Variants in OPCML observed in about 807,000 individuals in gnomAD.
The protein encoded by OPCML is opioid binding protein/cell adhesion molecule like.
In OPCML, 13 loss-of-function variants were observed where a neutral mutation model predicts 37.8. The ratio of observed to expected loss-of-function variants is 0.34; its 90% CI spans 0.22 to 0.55. OPCML has a LOEUF of 0.55. Among genes scored for constraint, OPCML ranks in the 20% least tolerant of loss-of-function variants. The probability of loss-of-function intolerance (pLI) is 0.91; values close to 1 mark genes in which losing one functional copy is unlikely to be tolerated. For missense variants in OPCML, 341 were observed against 435.6 expected (o/e 0.78, Z 1.93); for synonymous variants, 176 against 168.8 (o/e 1.04, Z -0.33).
At chr11:133,191,034 C>T (rs191873335) in intron 1 of OPCML, among the ~76,000 whole-genome samples, 314 of 151,948 alleles carry the variant, frequency 2.1e-3, no homozygotes, top group African/African-American at 7.3e-3. Context: ...ATTAGGGTAA[C>T]CACACCCAAA....
At chr11:133,220,126 T>C (rs996658464) in intron 1 of OPCML, among the ~76,000 whole-genome samples, 2 of 152,084 alleles carry the variant, frequency 1.3e-5, no homozygotes, top group African/African-American at 4.8e-5. Context: ...AGCTGGGAAG[T>C]TGGACACTGG....
chr11:133,458,574 C>CTGT (rs1555161986), intron 1 of OPCML, among the ~76,000 whole-genome samples: 7 of 85,822 alleles, frequency 8.2e-5, no homozygotes, highest in East Asian at 6.3e-4. Context: ...CATATATACA[C>CTGT]GTGTGTGTAC....
chr11:132,521,826 G>A lies in OPCML; in HGVS notation c.505+7235C>T, dbSNP rs775676099. ...AAGTTATGAATAATTGCACTGTGGAGTTTACTTGGATTTCACTAGTTTTTG... is the reference window on the plus strand; with the variant it reads ...AAGTTATGAATAATTGCACTGTGGAATTTACTTGGATTTCACTAGTTTTTG... On this transcript the variant is annotated intron_variant, in intron 4 of 7. Transcript: ENST00000524381. Among the ~76,000 whole-genome samples, 13 of 152,198 alleles carry A rather than the reference G, an allele frequency of 8.5e-5. 2 individuals carry two copies. Among genetic ancestry groups the A allele is most frequent in the Admixed American group, 8.5e-4 (13 of 15,280 alleles).
intron 1 of OPCML, among the ~76,000 whole-genome samples, chr11:133,500,432 T>C (rs1947886352): frequency 1.3e-5 from 2 of 152,062 alleles, no homozygotes; most frequent in African/African-American, 4.8e-5. Flanking sequence ...AAACAGAGGG[T>C]GTTTTGCATA....
At chr11:132,948,230 A>G (rs1945788012) in intron 1 of OPCML, among the ~76,000 whole-genome samples, 1 of 152,214 alleles carries the variant, frequency 6.6e-6, no homozygotes, top group Admixed American at 6.5e-5. Context: ...GAGGAGGGGC[A>G]CACCGTGCCA....
chr11:133,303,257 T>C (rs1480767383), intron 1 of OPCML, among the ~76,000 whole-genome samples: 1 of 151,990 alleles, frequency 6.6e-6, no homozygotes, highest in Non-Finnish European at 1.5e-5. Context: ...GACACAGAAA[T>C]GGAGGTTGGC....
chr11:133,527,855 T>C (rs760669190), intron 1 of OPCML, among the ~76,000 whole-genome samples: 3 of 152,096 alleles, frequency 2.0e-5, no homozygotes, highest in Non-Finnish European at 4.4e-5. Flanking sequence ...TTCAGCATAC[T>C]TAGAGGTTTG....
At chr11:132,668,139 A>G (rs916235483) in intron 2 of OPCML, among the ~76,000 whole-genome samples, 1 of 152,208 alleles carries the variant, frequency 6.6e-6, no homozygotes, top group African/African-American at 2.4e-5. Context: ...GAAATTATAC[A>G]CGATGAAAAG....
chr11:132,918,870 A>T (rs1261660033), intron 2 of OPCML, among the ~76,000 whole-genome samples: 1 of 152,226 alleles, frequency 6.6e-6, no homozygotes, highest in Non-Finnish European at 1.5e-5. Flanking sequence ...GAAACAATAC[A>T]ATGACATCTT....
chr11:133,277,583 A>G (rs1240959837), intron 1 of OPCML, among the ~76,000 whole-genome samples: 1 of 152,122 alleles, frequency 6.6e-6, no homozygotes, highest in Non-Finnish European at 1.5e-5. Flanking sequence ...TTCACCTTTA[A>G]GTCACCTTTA....
At chr11:133,370,499 GA>G (rs199675344) in intron 1 of OPCML, among the ~76,000 whole-genome samples, 7 of 145,744 alleles carry the variant, frequency 4.8e-5, no homozygotes, top group Non-Finnish European at 1.1e-4. Context: ...AAAAAAAAAG[GA>G]AAAAAACCTA....
chr11:133,085,975 T>C (rs923468694), intron 1 of OPCML, among the ~76,000 whole-genome samples: 20 of 151,768 alleles, frequency 1.3e-4, no homozygotes, highest in Non-Finnish European at 2.5e-4. Context: ...CCTGCTGCAG[T>C]TGAAATCCTT....
chr11:133,201,877 GGTCA>G (rs1201835332), intron 1 of OPCML, among the ~76,000 whole-genome samples: 1 of 152,082 alleles, frequency 6.6e-6, no homozygotes, highest in Non-Finnish European at 1.5e-5. Context: ...TAACTTTTTA[GGTCA>G]GTATTTCATG....
intron 2 of OPCML, among the ~76,000 whole-genome samples, chr11:132,736,197 G>C (rs976568746): frequency 6.6e-6 from 1 of 152,180 alleles, no homozygotes; most frequent in African/African-American, 2.4e-5. Context: ...GTGCCAGTGT[G>C]TGTGGTGGGG....
At chr11:132,493,921 G>T (rs1187400245) in intron 4 of OPCML, among the ~76,000 whole-genome samples, 1 of 152,138 alleles carries the variant, frequency 6.6e-6, no homozygotes, top group Non-Finnish European at 1.5e-5. Flanking sequence ...TGATTTCCGG[G>T]TGCAAAACAA....
At chr11:132,569,086 C>A (rs146732085) in intron 3 of OPCML, among the ~76,000 whole-genome samples, 38 of 152,202 alleles carry the variant, frequency 2.5e-4, no homozygotes, top group Non-Finnish European at 2.5e-4. Flanking sequence ...CACTCGCCTG[C>A]GGTCGGGGCT....
At chr11:132,506,455 G>A (rs1023215221) in intron 4 of OPCML, among the ~76,000 whole-genome samples, 8 of 152,140 alleles carry the variant, frequency 5.3e-5, no homozygotes, top group African/African-American at 7.2e-5. Flanking sequence ...ATCATAATAC[G>A]AAAGAATGAG....
At chr11:132,703,556 C>T (rs758510990) in intron 2 of OPCML, among the ~76,000 whole-genome samples, 6 of 152,166 alleles carry the variant, frequency 3.9e-5, no homozygotes, top group Non-Finnish European at 8.8e-5. Flanking sequence ...TCAGTCTGTC[C>T]AGAGATTCTG....
intron 1 of OPCML, among the ~76,000 whole-genome samples, chr11:133,377,878 G>T (rs917229710): frequency 3.3e-5 from 5 of 152,186 alleles, no homozygotes; most frequent in Admixed American, 2.6e-4. Flanking sequence ...ATGGGCCTGT[G>T]CTGTGTCAGG....
Sources: allele counts gnomAD v4.1 joint callset (sites outside exome capture counted in the v4.1 genomes callset), GRCh38; gene constraint gnomAD v4.1.1; transcripts MANE v1.5; gene names NCBI Gene and HGNC (gene_info 2026-07-23, HGNC 2026-07-21).